Variants in LIPA observed in about 807,000 individuals in gnomAD.
The protein encoded by LIPA is lysosomal acid lipase/cholesteryl ester hydrolase.
LIPA carries 26 observed loss-of-function variants against 40.6 expected under a neutral mutation model. The observed-to-expected ratio is 0.64, with a 90% CI of 0.47 to 0.89. The LOEUF (loss-of-function observed/expected upper bound fraction) is 0.89, where lower values mean the gene tolerates loss of function less well. Ranked by LOEUF, LIPA falls within the 40% of genes least tolerant of loss-of-function variation. The pLI, the probability that LIPA is intolerant of heterozygous loss-of-function variation, is 0.00. For missense variants in LIPA, 455 were observed against 479.6 expected, an observed-to-expected ratio of 0.95 and a Z score of 0.48; for synonymous variants, 188 against 168.4, an observed-to-expected ratio of 1.12 and a Z score of -0.90.
At chr10:89,331,741 C>T (rs1843653594) in intron 1 of LIPA, among the ~76,000 whole-genome samples, 1 of 151,002 alleles carries the variant, frequency 6.6e-6, no homozygotes, top group Non-Finnish European at 1.5e-5. Flanking sequence ...TGCCTATAGT[C>T]TCATTGACTG....
intron 7 of LIPA, among the ~76,000 whole-genome samples, 176 bp downstream of exon 7, chr10:89,223,508 T>C (rs1412388962): frequency 6.6e-6 from 1 of 152,220 alleles, no homozygotes; most frequent in Non-Finnish European, 1.5e-5. Context: ...AGCCTGAGGA[T>C]GGCAGCAGGT....
chr10:89,394,057 A>G (rs1844297270), intron 2 of LIPA, among the ~76,000 whole-genome samples: 1 of 152,200 alleles, frequency 6.6e-6, no homozygotes, highest in African/African-American at 2.4e-5. Context: ...TCGTGTAACA[A>G]TGGGGATACA....
intron 1 of LIPA, chr10:89,338,849 G>A (rs772144648): frequency 1.2e-6 from 2 of 1,614,124 alleles, no homozygotes; most frequent in East Asian, 2.2e-5. Context: ...CACCTAGATG[G>A]TAACAACGAG....
At chr10:89,247,846 T>TTTTTATTTATTTATTTA (rs1554869399) in intron 1 of LIPA, 197 bp from the exon 2 acceptor site, 1 of 163,836 alleles carries the variant, frequency 6.1e-6, no homozygotes, top group African/African-American at 2.6e-5. Context: ...TTTATTTTTA[T>TTTTTATTTATTTATTTA]TTTATTTATT....
intron 5 of LIPA, among the ~76,000 whole-genome samples, chr10:89,225,540 C>CA (rs1842758129): frequency 6.6e-6 from 1 of 152,150 alleles, no homozygotes; most frequent in Non-Finnish European, 1.5e-5. Context: ...ATGTAAATAA[C>CA]AGACTATTTC....
intron 2 of LIPA, chr10:89,402,557 T>C (rs769457925): frequency 6.2e-7 from 1 of 1,613,812 alleles, no homozygotes; most frequent in Non-Finnish European, 8.5e-7. Flanking sequence ...ATGTGAGGAG[T>C]CTGGTGACCT....
chr10:89,240,497 T>C (rs931610647), intron 3 of LIPA, among the ~76,000 whole-genome samples: 26 of 152,232 alleles, frequency 1.7e-4, no homozygotes, highest in Non-Finnish European at 5.9e-5. Context: ...GTAAAAGAAA[T>C]TGTATCACCT....
intron 1 of LIPA, among the ~76,000 whole-genome samples, chr10:89,263,212 G>T (rs1843219685): frequency 6.6e-6 from 1 of 152,210 alleles, no homozygotes; most frequent in African/African-American, 2.4e-5. Context: ...ATTGGGCCAT[G>T]AATAGATCCT....
chr10:89,237,317 T>G (rs1842916978), intron 3 of LIPA, among the ~76,000 whole-genome samples: 1 of 152,134 alleles, frequency 6.6e-6, no homozygotes, highest in Non-Finnish European at 1.5e-5. Flanking sequence ...GAATTAAAAA[T>G]TTTAAAAACT....
At chr10:89,412,779 C>T (rs1198369951) in intron 2 of LIPA, 1 of 424,702 alleles carries the variant, frequency 2.4e-6, no homozygotes, top group Admixed American at 2.7e-5. Context: ...GTCAGCAAGA[C>T]CACGAACTCA....
Position 89,393,066 on chromosome 10 carries a change from G to T in LIPA, c.61+19725C>A, listed in dbSNP as rs535007637. Reference sequence around the variant, plus strand: ...TTCACTTCTGTCTGATATGGGGAAGGAATGGACAGCTTGTCTGAGTAGAGG... The same window carrying T: ...TTCACTTCTGTCTGATATGGGGAAGTAATGGACAGCTTGTCTGAGTAGAGG... On this transcript the variant is annotated intron_variant, in intron 2 of 8. Coordinates refer to the LIPA transcript ENST00000371837. 27 of 1,096,052 alleles carry T rather than the reference G, an allele frequency of 2.5e-5. No individual in the cohort carries two copies. In the African/African-American group the frequency reaches 4.2e-4, roughly 17 times the overall value. 67.9% of individuals were successfully genotyped at this position (1,096,052 alleles called of 1,614,324 possible).
chr10:89,314,548 G>A (rs773999071), intron 1 of LIPA: 2 of 152,182 alleles, frequency 1.3e-5, no homozygotes, highest in Non-Finnish European at 1.5e-5. Context: ...GGTACCTGCA[G>A]TCCCAACTAT....
At chr10:89,291,166 T>C (rs945148660) in intron 1 of LIPA, among the ~76,000 whole-genome samples, 1 of 152,026 alleles carries the variant, frequency 6.6e-6, no homozygotes, top group East Asian at 1.9e-4. Context: ...ATTCCTTTTT[T>C]CCTTCCTTCT....
upstream of LIPA, chr10:89,414,661 G>C (rs913189161): frequency 1.1e-5 from 10 of 925,008 alleles, no homozygotes; most frequent in Non-Finnish European, 1.2e-5. Context: ...CCGCGCGGCC[G>C]AGTCCAGGGG....
chr10:89,225,268 T>G (rs1368550504), intron 5 of LIPA, 40 bp from the exon 6 acceptor site: 9 of 1,612,962 alleles, frequency 5.6e-6, no homozygotes, highest in Admixed American at 1.7e-5. Context: ...TTCCATCATC[T>G]GGGATTTCCT....
intron 1 of LIPA, among the ~76,000 whole-genome samples, chr10:89,319,677 A>G (rs1017011189): frequency 6.6e-6 from 1 of 152,204 alleles, no homozygotes; most frequent in African/African-American, 2.4e-5. Context: ...ATTCCAATCA[A>G]TAGAAAAAGA....
intron 2 of LIPA, among the ~76,000 whole-genome samples, chr10:89,355,363 G>A (rs573460593): frequency 2.0e-5 from 3 of 152,368 alleles, no homozygotes; most frequent in East Asian, 3.9e-4. Context: ...GGGTTGGTGA[G>A]TTAGCTCAGA....
At chr10:89,228,728 G>A (rs1842803186) in intron 3 of LIPA, among the ~76,000 whole-genome samples, 1 of 152,102 alleles carries the variant, frequency 6.6e-6, no homozygotes, top group South Asian at 2.1e-4. Flanking sequence ...TTTACAATTT[G>A]CTTTCGTAAT....
upstream of LIPA, among the ~76,000 whole-genome samples, chr10:89,252,385 A>G (rs987156760): frequency 6.6e-6 from 1 of 152,238 alleles, no homozygotes; most frequent in Non-Finnish European, 1.5e-5. Context: ...ATAGAAACCA[A>G]CCAAACAAGG....
Sources: allele counts gnomAD v4.1 joint callset (sites outside exome capture counted in the v4.1 genomes callset), GRCh38; gene constraint gnomAD v4.1.1; transcripts MANE v1.5; gene names NCBI Gene and HGNC (gene_info 2026-07-23, HGNC 2026-07-21).